SKAP2: variants seen among roughly 807,000 people sequenced by gnomAD.
SKAP2 encodes the protein src kinase associated phosphoprotein 2.
A neutral mutation model predicts 54.9 loss-of-function variants in SKAP2; 28 were observed. That is an observed-to-expected ratio of 0.51 (90% CI 0.38 to 0.70). The LOEUF is 0.70. Among genes scored for constraint, SKAP2 ranks in the 30% least tolerant of loss-of-function variants. The pLI is 0.00. For synonymous variants in SKAP2, 137 were observed against 134.3 expected, an observed-to-expected ratio of 1.02 and a Z score of -0.14; for missense variants, 356 against 424.1, an observed-to-expected ratio of 0.84 and a Z score of 1.41.
At chr7:26,808,946 G>A (rs1004787163) in intron 4 of SKAP2, among the ~76,000 whole-genome samples, 9 of 152,178 alleles carry the variant, frequency 5.9e-5, no homozygotes, top group Non-Finnish European at 8.8e-5. Context: ...GTTGGTAAAT[G>A]GGGTTACATC....
intron 9 of SKAP2, among the ~76,000 whole-genome samples, chr7:26,709,281 A>G (rs1787242139): frequency 6.6e-6 from 1 of 152,192 alleles, no homozygotes; most frequent in Admixed American, 6.5e-5. Context: ...CTGGTATATG[A>G]GAGAGTGTAA....
chr7:26,855,840 G>A (rs1458456461), intron 1 of SKAP2, among the ~76,000 whole-genome samples: 1 of 144,028 alleles, frequency 6.9e-6, no homozygotes, highest in Non-Finnish European at 1.6e-5. Flanking sequence ...TAATATGGAG[G>A]ATATCATTAA....
intron 4 of SKAP2, among the ~76,000 whole-genome samples, chr7:26,775,541 G>A (rs1783286263): frequency 9.0e-6 from 1 of 110,794 alleles, no homozygotes; most frequent in Non-Finnish European, 1.9e-5. Context: ...GTGTGTGTGT[G>A]TGTGTGTGTG....
chr7:26,726,114 T>G (rs755963888), intron 7 of SKAP2, 128 bp from the exon 8 acceptor site: 150 of 618,622 alleles, frequency 2.4e-4, no homozygotes, highest in Middle Eastern at 4.2e-4. Context: ...CTTGCAAGGA[T>G]GCTTCTTATA....
At chr7:26,803,787 A>G (rs1340759699) in intron 4 of SKAP2, among the ~76,000 whole-genome samples, 1 of 152,252 alleles carries the variant, frequency 6.6e-6, no homozygotes, top group Admixed American at 6.5e-5. Flanking sequence ...CTATTCAGCC[A>G]TAAAAAAGAA....
Position 26,689,689 on chromosome 7 carries a change from G to A in SKAP2, c.874+596C>T, listed in dbSNP as rs537468035. Among the ~76,000 whole-genome samples the A allele has an allele frequency of 5.3e-5, 8 of 152,252 alleles. No homozygotes were observed. The East Asian group carries it at 1.4e-3, about 26-fold the overall frequency. The stretch of plus-strand genomic sequence containing the variant: ...ATCATATGCAATGAAGATATGCATG[G>A]CCAACATTTAAACAGGCTGCAGATC... On this transcript the variant is annotated intron_variant, in intron 10 of 12. Coordinates refer to ENST00000345317, the MANE Select transcript of SKAP2 (RefSeq NM_003930.5).
At chr7:26,692,652 G>C (rs1366366278) in intron 9 of SKAP2, among the ~76,000 whole-genome samples, 2 of 152,130 alleles carry the variant, frequency 1.3e-5, no homozygotes, top group Non-Finnish European at 2.9e-5. Context: ...CAAATATATA[G>C]AAGACCTAAT....
intron 10 of SKAP2, among the ~76,000 whole-genome samples, chr7:26,686,517 C>T (rs1786644351): frequency 1.3e-5 from 2 of 152,056 alleles, no homozygotes; most frequent in Non-Finnish European, 2.9e-5. Context: ...TTCCCCAAAG[C>T]ATATATTAAG....
chr7:26,859,681 A>G (rs1785241497), intron 1 of SKAP2, among the ~76,000 whole-genome samples: 1 of 152,214 alleles, frequency 6.6e-6, no homozygotes, highest in Non-Finnish European at 1.5e-5. Flanking sequence ...TCAACCCTAA[A>G]AGATGACTCT....
rs372606442 is a variant in SKAP2 at position 26,824,132 on chromosome 7, CTTTA to C, written c.307+19894_307+19897del. The stretch of plus-strand genomic sequence containing the variant: ...AATGAATCAATCAATTCATTGCTGT[CTTTA>C]TTTAAGAAACTGCCACAGCCCCCCA... On this transcript the variant is annotated intron_variant, in intron 4 of 12. Transcript: ENST00000345317. 8.7e-4 allele frequency among the ~76,000 whole-genome samples: 94 copies of C among 107,772 alleles called. 2 individuals are homozygous for C. The East Asian group carries it at 0.033, about 38-fold the overall frequency. The allele number at this position is 107,772 out of a possible 152,430, so 70.7% of individuals were successfully genotyped here.
chr7:26,812,550 G>C (rs972599011), intron 4 of SKAP2, among the ~76,000 whole-genome samples: 2 of 151,894 alleles, frequency 1.3e-5, no homozygotes, highest in Non-Finnish European at 2.9e-5. Context: ...ATCAACCAAT[G>C]GCAATTAATC....
At chr7:26,687,559 A>T (rs1786675992) in intron 10 of SKAP2, among the ~76,000 whole-genome samples, 1 of 152,088 alleles carries the variant, frequency 6.6e-6, no homozygotes, top group African/African-American at 2.4e-5. Flanking sequence ...CTGGCAGTAT[A>T]TGTTTATTAG....
intron 4 of SKAP2, among the ~76,000 whole-genome samples, chr7:26,781,211 A>G (rs1252172905): frequency 6.6e-6 from 1 of 152,164 alleles, no homozygotes; most frequent in African/African-American, 2.4e-5. Flanking sequence ...ACCCTCTTAC[A>G]CTATGTAAAA....
intron 4 of SKAP2, among the ~76,000 whole-genome samples, chr7:26,821,877 T>C (rs1454917165): frequency 6.6e-6 from 1 of 152,072 alleles, no homozygotes; most frequent in Non-Finnish European, 1.5e-5. Flanking sequence ...ACCAAGCCCT[T>C]CCTTTCTTCT....
chr7:26,825,148 A>C (rs747727163), intron 4 of SKAP2, among the ~76,000 whole-genome samples: 4 of 152,214 alleles, frequency 2.6e-5, no homozygotes, highest in East Asian at 1.9e-4. Context: ...ATTGGCAAAG[A>C]AAGCAAGCAA....
At chr7:26,692,097 T>G (rs994492611) in intron 9 of SKAP2, among the ~76,000 whole-genome samples, 1 of 150,446 alleles carries the variant, frequency 6.6e-6, no homozygotes, top group Non-Finnish European at 1.5e-5. Flanking sequence ...GGGAAGGAAG[T>G]CCTGAACTGA....
At chr7:26,675,904 T>C (rs1056526650) in intron 11 of SKAP2, among the ~76,000 whole-genome samples, 6 of 152,154 alleles carry the variant, frequency 3.9e-5, no homozygotes, top group Admixed American at 1.3e-4. Context: ...TTTGTCCACA[T>C]TGGAACAGGG....
intron 4 of SKAP2, among the ~76,000 whole-genome samples, chr7:26,782,653 T>G (rs1169597007): frequency 6.6e-6 from 1 of 152,048 alleles, no homozygotes; most frequent in Non-Finnish European, 1.5e-5. Flanking sequence ...ATCATGCCAT[T>G]GCACTCTAGC....
chr7:26,662,856 T>C (rs1562567437), downstream of SKAP2, among the ~76,000 whole-genome samples: 2 of 152,100 alleles, frequency 1.3e-5, no homozygotes, highest in Non-Finnish European at 2.9e-5. Flanking sequence ...TTGTGAACTA[T>C]GTAGAGCGAT....
Sources: gnomAD v4.1 joint callset for allele counts (sites outside exome capture counted in the v4.1 genomes callset) on GRCh38, gnomAD v4.1.1 for gene constraint, MANE v1.5 for transcripts, NCBI Gene and HGNC (gene_info 2026-07-23, HGNC 2026-07-21) for gene names.